Variants in HTR1F observed in about 807,000 individuals in gnomAD.
The protein encoded by HTR1F is 5-hydroxytryptamine receptor 1F.
Under a neutral mutation model 24.0 loss-of-function variants are expected in HTR1F, and 17 were observed. The ratio of observed to expected loss-of-function variants is 0.71; its 90% CI spans 0.48 to 1.06. The LOEUF (loss-of-function observed/expected upper bound fraction) is 1.06, where lower values mean the gene tolerates loss of function less well. Ranked by LOEUF, HTR1F falls within the 50% of genes least tolerant of loss-of-function variation. HTR1F has a pLI of 0.00. For synonymous variants in HTR1F, 186 were observed against 156.8 expected (o/e 1.19, Z -1.39); for missense variants, 391 against 427.8 (o/e 0.91, Z 0.76).
intron 1 of HTR1F, among the ~76,000 whole-genome samples, chr3:87,815,135 A>C (rs1286246111): frequency 1.3e-5 from 2 of 152,158 alleles, no homozygotes; most frequent in Non-Finnish European, 2.9e-5. Context: ...ACAATTGTGT[A>C]AAAGGCAGGA....
At chr3:87,817,764 A>G (rs1704276906) in intron 1 of HTR1F, among the ~76,000 whole-genome samples, 1 of 152,186 alleles carries the variant, frequency 6.6e-6, no homozygotes, top group Non-Finnish European at 1.5e-5. Flanking sequence ...AAAGTAGACA[A>G]ATGGTAAGAC....
chr3:87,970,552 G>A (rs1198046050), intron 2 of HTR1F, among the ~76,000 whole-genome samples: 2 of 152,172 alleles, frequency 1.3e-5, no homozygotes, highest in African/African-American at 4.8e-5. Flanking sequence ...ACTCAAGAGG[G>A]CTCCCTTCAG....
chr3:87,985,847 C>T (rs1163505942), intron 2 of HTR1F, among the ~76,000 whole-genome samples: 10 of 151,870 alleles, frequency 6.6e-5, no homozygotes, highest in Admixed American at 6.6e-4. Flanking sequence ...CAAGATCAAA[C>T]AAACACCTGA....
rs73141386 is a variant in HTR1F, at chr3:87,793,982, A to G, written c.-160+1140A>G. Among the ~76,000 whole-genome samples, 445 of 149,080 alleles carry G rather than the reference A, an allele frequency of 3.0e-3. 4 individuals are homozygous for G. Among genetic ancestry groups the G allele is most frequent in the South Asian group, 3.4e-3 (16 of 4,706 alleles). ...GATATGCTATGCCAAAAAAAAAAAAAAGAGAGAGAGAAAACAGGAAAACAG... is the reference window on the plus strand; with the variant it reads ...GATATGCTATGCCAAAAAAAAAAAAGAGAGAGAGAGAAAACAGGAAAACAG... On this transcript the variant is annotated intron_variant, in intron 1 of 2. Transcript: ENST00000319595.
At chr3:87,974,410 C>T (rs1705349575) in intron 2 of HTR1F, among the ~76,000 whole-genome samples, 2 of 152,072 alleles carry the variant, frequency 1.3e-5, no homozygotes, top group Admixed American at 6.5e-5. Context: ...GAGTCTATTT[C>T]CGAGTGCATG....
intron 2 of HTR1F, among the ~76,000 whole-genome samples, chr3:87,971,747 T>C (rs548034947): frequency 6.6e-6 from 1 of 152,338 alleles, no homozygotes; most frequent in South Asian, 2.1e-4. Context: ...AAATTGTTTT[T>C]ACATAAATAG....
chr3:87,803,135 G>C (rs6787171), intron 1 of HTR1F, among the ~76,000 whole-genome samples: 1 of 151,952 alleles, frequency 6.6e-6, no homozygotes, highest in East Asian at 1.9e-4. Flanking sequence ...ATTTTCTCTC[G>C]AATTCATCTG....
At chr3:87,931,043 T>C (rs893839957) in intron 2 of HTR1F, among the ~76,000 whole-genome samples, 7 of 113,710 alleles carry the variant, frequency 6.2e-5, no homozygotes, top group African/African-American at 2.6e-4. Context: ...TTTTTTTTTT[T>C]TTTACTTTTT....
intron 2 of HTR1F, among the ~76,000 whole-genome samples, chr3:87,945,976 T>C (rs1704691149): frequency 6.6e-6 from 1 of 152,124 alleles, no homozygotes. Flanking sequence ...GTTCTTGGCC[T>C]CACGGATTAC....
chr3:87,860,598 T>A (rs1263285452), intron 2 of HTR1F, among the ~76,000 whole-genome samples: 4 of 152,216 alleles, frequency 2.6e-5, no homozygotes, highest in Non-Finnish European at 5.9e-5. Flanking sequence ...AATTTTTCCC[T>A]CTCGTCATCA....
In HTR1F at chr3:87,972,955, G is replaced by A. The variant is rs140569716; in HGVS notation, c.-42-17753G>A. 7.9e-4 allele frequency among the ~76,000 whole-genome samples: 119 copies of A among 150,992 alleles called. 1 individual carries two copies. The highest frequency in any genetic ancestry group is 2.7e-3 in the African/African-American group (111 of 41,076). ...GGAGGCCGAGGCAGGTGGATCACCT[G>A]AGGTTAGGAGTTCAAGACCAACCTG... On this transcript the variant is annotated intron_variant, in intron 2 of 2. Transcript: ENST00000319595.
intron 2 of HTR1F, among the ~76,000 whole-genome samples, chr3:87,912,201 A>G (rs1703793382): frequency 6.7e-6 from 1 of 149,998 alleles, no homozygotes; most frequent in African/African-American, 2.4e-5. Context: ...TAAGATAACA[A>G]AAAAAAAAAC....
chr3:87,959,174 T>G (rs1705008161), intron 2 of HTR1F, among the ~76,000 whole-genome samples: 1 of 151,796 alleles, frequency 6.6e-6, no homozygotes, highest in Non-Finnish European at 1.5e-5. Context: ...ATATAATGGT[T>G]AGTACCAACA....
chr3:87,990,457 G>A (rs1171022348), intron 2 of HTR1F, among the ~76,000 whole-genome samples: 3 of 152,076 alleles, frequency 2.0e-5, no homozygotes, highest in Admixed American at 6.5e-5. Context: ...ACAAGCTAGA[G>A]TATTCATTAA....
At chr3:87,857,343 T>A (rs60057665) in intron 2 of HTR1F, among the ~76,000 whole-genome samples, 18,581 of 151,976 alleles carry the variant, frequency 0.12, 1,454 homozygotes, top group African/African-American at 0.22. Context: ...GTATAGAGAA[T>A]AATGAATAGG....
At chr3:87,885,292 A>T (rs1705910287) in intron 2 of HTR1F, among the ~76,000 whole-genome samples, 1 of 152,202 alleles carries the variant, frequency 6.6e-6, no homozygotes, top group Admixed American at 6.5e-5. Flanking sequence ...TTTGAAATCA[A>T]TGAGAAAAAA....
intron 2 of HTR1F, among the ~76,000 whole-genome samples, chr3:87,972,648 CCTTTT>C (rs1359792992): frequency 1.3e-5 from 2 of 152,152 alleles, no homozygotes; most frequent in African/African-American, 4.8e-5. Context: ...TTCTAAACCT[CCTTTT>C]CTTGTGTTCC....
chr3:87,825,713 T>TA (rs1704449202), intron 2 of HTR1F, among the ~76,000 whole-genome samples: 1 of 152,176 alleles, frequency 6.6e-6, no homozygotes, highest in South Asian at 2.1e-4. Flanking sequence ...CACTTTCCCA[T>TA]AAAACCATAG....
chr3:87,939,308 C>T (rs1704503610), intron 2 of HTR1F, among the ~76,000 whole-genome samples: 1 of 152,202 alleles, frequency 6.6e-6, no homozygotes. Flanking sequence ...CGTTGATGTT[C>T]ATCAGGGATA....
Sources: allele counts gnomAD v4.1 joint callset (sites outside exome capture counted in the v4.1 genomes callset), GRCh38; gene constraint gnomAD v4.1.1; transcripts MANE v1.5; gene names NCBI Gene and HGNC (gene_info 2026-07-23, HGNC 2026-07-21).